CTNNA3: variants seen among roughly 807,000 people sequenced by gnomAD.
CTNNA3 encodes catenin alpha-3.
In CTNNA3, 76 loss-of-function variants were observed where a neutral mutation model predicts 95.7. That is an observed-to-expected ratio of 0.79 (90% CI 0.66 to 0.96). The LOEUF is 0.96. Among genes scored for constraint, CTNNA3 ranks in the 40% least tolerant of loss-of-function variants. The pLI, the probability that CTNNA3 is intolerant of heterozygous loss-of-function variation, is 0.00. For synonymous variants in CTNNA3, 431 were observed against 374.4 expected (o/e 1.15, Z -1.74); for missense variants, 1,191 against 1,089.8 (o/e 1.09, Z -1.31).
chr10:67,444,425 A>G (rs1413144300), intron 5 of CTNNA3, among the ~76,000 whole-genome samples: 12 of 152,104 alleles, frequency 7.9e-5, no homozygotes, highest in African/African-American at 2.4e-4. Context: ...ATACCTATAA[A>G]TGCCTACATC....
chr10:67,012,996 ACCAG>A (rs1852437516), intron 7 of CTNNA3: 1 of 152,136 alleles, frequency 6.6e-6, no homozygotes, highest in Non-Finnish European at 1.5e-5. Context: ...AAGGCATCTT[ACCAG>A]TTCTTATGCA....
chr10:67,659,181 A>C (rs1465461651), intron 1 of CTNNA3, among the ~76,000 whole-genome samples: 4 of 152,208 alleles, frequency 2.6e-5, no homozygotes, highest in Non-Finnish European at 5.9e-5. Context: ...ACTTATATTT[A>C]GGTCTTACAA....
chr10:67,469,672 T>C (rs190972366), intron 5 of CTNNA3, among the ~76,000 whole-genome samples: 1 of 152,222 alleles, frequency 6.6e-6, no homozygotes, highest in East Asian at 1.9e-4. Flanking sequence ...GATGGGTTGA[T>C]GGGTGCAGCA....
At chr10:66,720,922 A>T (rs1174041735) in intron 9 of CTNNA3, among the ~76,000 whole-genome samples, 1 of 152,180 alleles carries the variant, frequency 6.6e-6, no homozygotes, top group Non-Finnish European at 1.5e-5. Flanking sequence ...AGTGTTGATC[A>T]GGACCTATGG....
At chr10:65,930,976 T>A (rs1413614209) in intron 17 of CTNNA3, among the ~76,000 whole-genome samples, 1 of 152,208 alleles carries the variant, frequency 6.6e-6, no homozygotes, top group Non-Finnish European at 1.5e-5. Flanking sequence ...AGAATATGGT[T>A]TTCTGATTTT....
chr10:66,066,996 GA>G lies in CTNNA3; in HGVS notation c.2159+2311del, dbSNP rs35520381. On this transcript the variant is annotated intron_variant, in intron 15 of 17. Transcript: ENST00000433211. ...TCTATAGTTATCCTGTTGGGGCTCA[GA>G]AAAAAAAAATATACGCCAAAATGAA... is the stretch of plus-strand genomic sequence containing the variant. 0.01 allele frequency among the ~76,000 whole-genome samples: 1,551 copies of G among 149,198 alleles called. 107 individuals are homozygous for G. The East Asian group carries it at 0.19, about 18-fold the overall frequency.
At chr10:66,237,025 A>C (rs2089888419) in intron 13 of CTNNA3, among the ~76,000 whole-genome samples, 1 of 152,114 alleles carries the variant, frequency 6.6e-6, no homozygotes, top group South Asian at 2.1e-4. Flanking sequence ...GCTACTCAGG[A>C]AGCTAAGGCA....
At chr10:67,750,387 C>A in intron 1 of CTNNA3, 1 of 1,492,548 alleles carries the variant, frequency 6.7e-7, no homozygotes, top group South Asian at 1.1e-5. Flanking sequence ...GTGAAGGTGG[C>A]CATTGATGCA....
intron 7 of CTNNA3, among the ~76,000 whole-genome samples, chr10:66,793,741 C>CT: frequency 6.6e-6 from 1 of 151,974 alleles, no homozygotes; most frequent in African/African-American, 2.4e-5. Context: ...TTTATTGTAA[C>CT]TTTTTTTTAA....
At chr10:66,248,027 C>A (rs969635843) in intron 13 of CTNNA3, among the ~76,000 whole-genome samples, 1 of 151,882 alleles carries the variant, frequency 6.6e-6, no homozygotes, top group African/African-American at 2.4e-5. Context: ...ATGAACCAAT[C>A]AAAAATAATA....
At chr10:66,652,808 AT>A (rs2132419571) in intron 9 of CTNNA3, among the ~76,000 whole-genome samples, 1 of 152,310 alleles carries the variant, frequency 6.6e-6, no homozygotes, top group South Asian at 2.1e-4. Flanking sequence ...AGTAGGATTT[AT>A]TCCAGAGATG....
intron 10 of CTNNA3, among the ~76,000 whole-genome samples, chr10:66,618,505 A>G (rs577708040): frequency 6.6e-6 from 1 of 152,328 alleles, no homozygotes; most frequent in African/African-American, 2.4e-5. Flanking sequence ...CAGGCTAGCC[A>G]TAGGTAGAAA....
chr10:67,281,177 A>T (rs1839387810), intron 5 of CTNNA3, among the ~76,000 whole-genome samples: 1 of 152,178 alleles, frequency 6.6e-6, no homozygotes, highest in Non-Finnish European at 1.5e-5. Context: ...TTCACCTCAA[A>T]AATGATTTAA....
intron 5 of CTNNA3, among the ~76,000 whole-genome samples, chr10:67,269,970 T>C (rs1838897050): frequency 6.6e-6 from 1 of 152,096 alleles, no homozygotes; most frequent in African/African-American, 2.4e-5. Flanking sequence ...GCCTTTGAGG[T>C]CTGTACTGAA....
At chr10:66,399,533 A>G (rs1369085423) in intron 11 of CTNNA3, among the ~76,000 whole-genome samples, 3 of 151,922 alleles carry the variant, frequency 2.0e-5, no homozygotes, top group Non-Finnish European at 4.4e-5. Context: ...TGAAGATGCT[A>G]TATATTATAA....
rs1589576633 is a variant in CTNNA3 at position 67,704,818 on chromosome 10, A to C, written c.-1-57304T>G. 4.6e-5 allele frequency among the ~76,000 whole-genome samples: 7 copies of C among 152,362 alleles called. No individual in the cohort carries two copies. The South Asian group carries it at 1.4e-3, about 32-fold the overall frequency. ...CAAGAGCTTCTGCACAGCAAAACAA[A>C]CTACCATCAGAGTGAACAGGCAACC... is the stretch of plus-strand genomic sequence containing the variant. On this transcript the variant is annotated intron_variant, in intron 1 of 17. Transcript: ENST00000684154.
chr10:66,675,256 A>C (rs1203053658), intron 9 of CTNNA3, among the ~76,000 whole-genome samples: 2 of 151,874 alleles, frequency 1.3e-5, no homozygotes, highest in African/African-American at 4.8e-5. Flanking sequence ...TTCTTTTTAA[A>C]TAAATTACTG....
At chr10:67,093,328 T>C (rs548073353) in intron 7 of CTNNA3, among the ~76,000 whole-genome samples, 2 of 152,074 alleles carry the variant, frequency 1.3e-5, no homozygotes, top group African/African-American at 4.8e-5. Context: ...TTCAGGTAGG[T>C]TGACTAAGTC....
At chr10:65,958,770 G>A (rs998569980) in intron 17 of CTNNA3, among the ~76,000 whole-genome samples, 1 of 152,156 alleles carries the variant, frequency 6.6e-6, no homozygotes, top group African/African-American at 2.4e-5. Context: ...TCTCAGAGGG[G>A]CAACCAGGCG....
Sources: allele counts gnomAD v4.1 joint callset (sites outside exome capture counted in the v4.1 genomes callset), GRCh38; gene constraint gnomAD v4.1.1; transcripts MANE v1.5; gene names NCBI Gene and HGNC (gene_info 2026-07-23, HGNC 2026-07-21).